The following SEMA4G variants were observed in gnomAD, a reference collection of about 807,000 sequenced individuals.
The protein encoded by SEMA4G is semaphorin 4G, also known as semaphorin-4G.
SEMA4G carries 59 observed loss-of-function variants against 81.2 expected under a neutral mutation model. The observed-to-expected ratio is 0.73, with a 90% CI of 0.59 to 0.90. The LOEUF is 0.90. Ranked by LOEUF, SEMA4G falls within the 40% of genes least tolerant of loss-of-function variation. The pLI is 0.00. For synonymous variants in SEMA4G, 404 were observed against 433.9 expected, an observed-to-expected ratio of 0.93 and a Z score of 0.86; for missense variants, 952 against 1,102.3, an observed-to-expected ratio of 0.86 and a Z score of 1.93.
chr10:100,977,954 A>C, intron 4 of SEMA4G: 1 of 578,620 alleles, frequency 1.7e-6, no homozygotes, highest in Non-Finnish European at 3.1e-6. Flanking sequence ...TCCTCCCCCT[A>C]ATCACCTCCA....
exon 8 of SEMA4G, chr10:100,979,218 T>G (rs1207707838): frequency 6.2e-7 from 1 of 1,614,174 alleles, no homozygotes; most frequent in Non-Finnish European, 8.5e-7. Context: ...GCCTGGATGC[T>G]GAAACCTCAA....
intron 9 of SEMA4G, 47 bp downstream of exon 10, chr10:100,980,039 G>A (rs1368703034): frequency 1.8e-5 from 29 of 1,613,752 alleles, no homozygotes; most frequent in African/African-American, 2.7e-5. Context: ...AGAGCCCAGG[G>A]AAGGGTCAAA....
exon 14 of SEMA4G, chr10:100,983,898 G>T: frequency 1.3e-6 from 2 of 1,523,114 alleles, no homozygotes; most frequent in South Asian, 1.2e-5. Flanking sequence ...TGGGGAGGGA[G>T]CCCCAGCCCC....
chr10:100,969,618 C>T, upstream of SEMA4G: 1 of 296,810 alleles, frequency 3.4e-6, no homozygotes, highest in Middle Eastern at 1.3e-3. Context: ...GTGCGGGCGG[C>T]GCCCTGGCGT....
At chr10:100,975,824 C>T (rs1218606650) in intron 3 of SEMA4G, among the ~76,000 whole-genome samples, 5 of 152,158 alleles carry the variant, frequency 3.3e-5, no homozygotes, top group East Asian at 3.9e-4. Flanking sequence ...CTCTTGAACC[C>T]GGGAGGCGGA....
At chr10:100,981,300 GTA>G in intron 13 of SEMA4G, 71 bp downstream of exon 14, 4 of 1,593,674 alleles carry the variant, frequency 2.5e-6, no homozygotes, top group Non-Finnish European at 2.6e-6. Context: ...CCATGTGTAC[GTA>G]TATGTTTGTA....
At chr10:100,980,182 G>A (rs754033511) in exon 10 of SEMA4G, 1 of 1,614,234 alleles carries the variant, frequency 6.2e-7, no homozygotes, top group South Asian at 1.1e-5. Context: ...GCCATCCCTG[G>A]TCCTGGACTT....
intron 4 of SEMA4G, 51 bp downstream of exon 5, chr10:100,977,781 G>A: frequency 1.4e-6 from 2 of 1,440,586 alleles, no homozygotes; most frequent in Middle Eastern, 1.7e-4. Flanking sequence ...TTAGGGATGG[G>A]ATCATGTTCA....
chr10:100,971,317 G>A, upstream of SEMA4G, among the ~76,000 whole-genome samples: 1 of 152,210 alleles, frequency 6.6e-6, no homozygotes, highest in East Asian at 1.9e-4. Flanking sequence ...GTAAACAGGT[G>A]TGCCTCCACA....
chr10:100,973,666 T>A lies in SEMA4G; in HGVS notation c.336+57T>A. The A allele has an allele frequency of 6.6e-7, 1 of 1,520,568 alleles. No homozygotes were observed. Among genetic ancestry groups the A allele is most frequent in the Non-Finnish European group, 9.1e-7 (1 of 1,101,036 alleles). 94.2% of individuals were successfully genotyped at this position (1,520,568 alleles called of 1,614,324 possible). On this transcript the variant is annotated intron_variant, in intron 3 of 13. Coordinates refer to ENST00000370250, the Ensembl canonical transcript of SEMA4G. This position sits in a 1 kb window ranked among gnomAD's most constrained non-coding sequence, Gnocchi z 5.5. ...CCTCCCCTTCTTCCTCAATCAGGGA[T>A]GCCAGGATTGTTGGGGACACAGATG...
intron 4 of SEMA4G, 61 bp from the exon 6 acceptor site, chr10:100,978,234 C>A: frequency 7.7e-7 from 1 of 1,302,878 alleles, no homozygotes; most frequent in Non-Finnish European, 1.1e-6. Context: ...ACTGATCTGA[C>A]TTTGAGCCAC....
intron 8 of SEMA4G, 108 bp from the exon 10 acceptor site, chr10:100,979,740 C>A: frequency 1.5e-6 from 2 of 1,299,870 alleles, no homozygotes; most frequent in South Asian, 1.3e-5. Context: ...CCCTGTGGGA[C>A]TATAGCTGGG....
At chr10:100,984,967 A>C, downstream of SEMA4G, 1 of 1,396,896 alleles carries the variant, frequency 7.2e-7, no homozygotes, top group South Asian at 1.5e-5. Context: ...ATGTGCTTAC[A>C]TTTCCACTCA....
In SEMA4G at chr10:100,977,733, G is replaced by A; in HGVS notation, c.435+3G>A. 1 of 1,608,742 alleles carries A rather than the reference G, an allele frequency of 6.2e-7. No individual in the cohort carries two copies. Among genetic ancestry groups the A allele is most frequent in the Non-Finnish European group, 8.5e-7 (1 of 1,175,160 alleles). On this transcript the variant is annotated splice_donor_region_variant and intron_variant, in intron 4 of 13. Transcript: ENST00000370250. ...TCCAGCCCCTCTGTGCAGCCATTGT[G>A]AGTATACCTGTGTTGTGCCAGATCT...
At chr10:100,982,379 AAT>A (rs1851137337) in intron 13 of SEMA4G, among the ~76,000 whole-genome samples, 1 of 152,242 alleles carries the variant, frequency 6.6e-6, no homozygotes, top group South Asian at 2.1e-4. Flanking sequence ...GTGTTTTTAA[AAT>A]ACCTCTCATG....
In SEMA4G at chr10:100,983,289, C is replaced by T; in HGVS notation, c.1691-16C>T. On this transcript the variant is annotated splice_polypyrimidine_tract_variant and intron_variant, in intron 13 of 13. Coordinates refer to ENST00000370250, the Ensembl canonical transcript of SEMA4G. ...CTGGGACGGGCTGGTACTGACCTCT[C>T]CCCCAAACCCCACAGGGCCACCACC... The T allele has an allele frequency of 4.6e-6, 7 of 1,512,340 alleles. No homozygotes were observed. The highest frequency in any genetic ancestry group is 6.2e-6 in the Non-Finnish European group (7 of 1,126,046). 93.7% of individuals were successfully genotyped at this position (1,512,340 alleles called of 1,614,324 possible).
At chr10:100,974,998 C>T (rs1163057308) in intron 3 of SEMA4G, 2 of 532,416 alleles carry the variant, frequency 3.8e-6, no homozygotes, top group Non-Finnish European at 7.7e-6. Flanking sequence ...CCAAGGTGGG[C>T]CAGGGGTGGT....
At chr10:100,980,607 C>T (rs781235374) in exon 11 of SEMA4G, 1 of 1,614,202 alleles carries the variant, frequency 6.2e-7, no homozygotes, top group Non-Finnish European at 8.5e-7. Context: ...GGCCGTAGTC[C>T]TGGGCTCTGG....
chr10:100,979,751 G>T, intron 8 of SEMA4G, 97 bp from the exon 10 acceptor site: 1 of 1,423,884 alleles, frequency 7.0e-7, no homozygotes, highest in Non-Finnish European at 9.7e-7. Flanking sequence ...TATAGCTGGG[G>T]TTGGCCAGGG....
Sources: gnomAD v4.1 joint callset for allele counts (sites outside exome capture counted in the v4.1 genomes callset) on GRCh38, gnomAD v4.1.1 for gene constraint, Gnocchi (gnomAD v3.1) non-coding constraint, MANE v1.5 for transcripts, NCBI Gene and HGNC (gene_info 2026-07-23, HGNC 2026-07-21) for gene names.